The following PI4KA variants were observed in gnomAD, a reference collection of about 807,000 sequenced individuals.
The protein encoded by PI4KA is PI4-kinase alpha.
In PI4KA, 122 loss-of-function variants were observed where a neutral mutation model predicts 271.4. The ratio of observed to expected loss-of-function variants is 0.45; its 90% CI spans 0.39 to 0.52. The LOEUF is 0.52. Among genes scored for constraint, PI4KA ranks in the 20% least tolerant of loss-of-function variants. PI4KA has a pLI of 0.00. For missense variants in PI4KA, 1,969 were observed against 2,769.1 expected (o/e 0.71, Z 6.48); for synonymous variants, 1,041 against 1,078.8 (o/e 0.96, Z 0.69).
chr22:20,732,681 C>T (rs1374710019), intron 36 of PI4KA, among the ~76,000 whole-genome samples: 3 of 152,220 alleles, frequency 2.0e-5, no homozygotes, highest in Non-Finnish European at 4.4e-5. Context: ...CCTGGGCCGT[C>T]AGCTGCTCAG....
At chr22:20,767,984 T>C (rs1372254424) in intron 19 of PI4KA, among the ~76,000 whole-genome samples, 1 of 147,612 alleles carries the variant, frequency 6.8e-6, no homozygotes, top group African/African-American at 2.5e-5. Flanking sequence ...TTATTTCCAA[T>C]TCAAAAATTT....
intron 32 of PI4KA, among the ~76,000 whole-genome samples, chr22:20,737,779 A>G (rs1303027249): frequency 4.6e-5 from 7 of 152,054 alleles, no homozygotes; most frequent in Non-Finnish European, 8.8e-5. Context: ...TTACAGGCAC[A>G]TGCCACCACA....
At chr22:20,768,882 G>C (rs1045636419) in intron 19 of PI4KA, among the ~76,000 whole-genome samples, 2 of 152,188 alleles carry the variant, frequency 1.3e-5, no homozygotes, top group African/African-American at 4.8e-5. Context: ...GTTGACAAGG[G>C]GCTTCCAGTT....
rs765451319 is a variant in PI4KA, at chr22:20,742,794, CATAT to C, written c.3457-34_3457-31del. On this transcript the variant is annotated intron_variant, in intron 30 of 54. Transcript: ENST00000255882. ...AAAAACATTCTCATCAGCAACTAAG[CATAT>C]AATCCAGGCAATGTGGGTAAGGTTC... 5 of 1,611,146 alleles carry C rather than the reference CATAT, an allele frequency of 3.1e-6. No homozygotes were observed. The Admixed American group carries it at 8.3e-5, about 27-fold the overall frequency.
At chr22:20,801,898 TA>T in intron 14 of PI4KA, 74 bp downstream of exon 14, 1 of 1,515,120 alleles carries the variant, frequency 6.6e-7, no homozygotes, top group Non-Finnish European at 9.1e-7. Context: ...AAAAGAAGTA[TA>T]AATGTCTCTT....
At chr22:20,786,412 CAG>C (rs991415396) in intron 19 of PI4KA, among the ~76,000 whole-genome samples, 7 of 152,216 alleles carry the variant, frequency 4.6e-5, no homozygotes, top group Admixed American at 3.3e-4. Flanking sequence ...ACACCAGAGA[CAG>C]GGGAGACATG....
Position 20,742,391 on chromosome 22 carries a change from C to T in PI4KA, c.3614-36G>A, listed in dbSNP as rs149161656. 7.8e-5 allele frequency: 125 copies of T among 1,606,328 alleles called. 3 individuals carry two copies. The East Asian group carries it at 2.8e-3, about 36-fold the overall frequency. On this transcript the variant is annotated intron_variant, in intron 31 of 54. Transcript: ENST00000255882. The stretch of plus-strand genomic sequence containing the variant: ...ACACACGTCAGTCAGAGGCCTCCAA[C>T]AACAGCTGAACCCCAAAACAGCTTC...
At chr22:20,765,453 AT>A in intron 20 of PI4KA, 131 bp downstream of exon 20, 1 of 761,422 alleles carries the variant, frequency 1.3e-6, no homozygotes, top group Non-Finnish European at 2.2e-6. Context: ...ACACTTGCTA[AT>A]ACTTGCAGAA....
intron 19 of PI4KA, chr22:20,786,935 A>G: frequency 6.2e-7 from 1 of 1,614,136 alleles, no homozygotes; most frequent in Non-Finnish European, 8.5e-7. Context: ...CACTGTGACC[A>G]CGGTGGGGTT....
intron 30 of PI4KA, chr22:20,742,975 G>A (rs1328244659): frequency 7.1e-6 from 4 of 559,606 alleles, no homozygotes; most frequent in Non-Finnish European, 1.3e-5. Flanking sequence ...CTCTAGAAAT[G>A]CATGTTGGCA....
At chr22:20,778,683 GCATGGCTGAGTCCCACTAATGCA>G (rs1933502243) in intron 19 of PI4KA, among the ~76,000 whole-genome samples, 1 of 152,102 alleles carries the variant, frequency 6.6e-6, no homozygotes, top group Non-Finnish European at 1.5e-5. Context: ...AGTCACACAG[GCATGGCTGAGTCCCACTAATGCA>G]CATCCCTTCT....
chr22:20,839,875 G>C (rs895648344), intron 1 of PI4KA, among the ~76,000 whole-genome samples: 7 of 152,134 alleles, frequency 4.6e-5, no homozygotes, highest in Admixed American at 1.3e-4. Flanking sequence ...ACTGAGCACA[G>C]CATATAGTAA....
intron 45 of PI4KA, among the ~76,000 whole-genome samples, chr22:20,715,452 C>T (rs554483880): frequency 1.3e-5 from 2 of 151,996 alleles, no homozygotes; most frequent in South Asian, 4.2e-4. Flanking sequence ...GTTCTCCCAG[C>T]CTTTAGGACT....
chr22:20,819,635 G>A lies in PI4KA; in HGVS notation c.789+6C>T. ...CTCTGCTCTTTCCCCAGTAGCCCAG[G>A]CCCACCTGAGAGATGCTGGACACAC... On this transcript the variant is annotated splice_donor_region_variant and intron_variant, in intron 6 of 54. Transcript: ENST00000255882. 3 of 1,612,592 alleles carry A rather than the reference G, an allele frequency of 1.9e-6. No homozygotes were observed. The highest frequency in any genetic ancestry group is 2.5e-6 in the Non-Finnish European group (3 of 1,179,000).
intron 9 of PI4KA, among the ~76,000 whole-genome samples, chr22:20,807,703 T>C (rs1229568833): frequency 6.6e-6 from 1 of 152,108 alleles, no homozygotes; most frequent in Non-Finnish European, 1.5e-5. Context: ...TGCACCCTAG[T>C]AGGAAGAACC....
chr22:20,798,365 A>G, intron 17 of PI4KA: 1 of 529,878 alleles, frequency 1.9e-6, no homozygotes. Flanking sequence ...AATCAGAAGG[A>G]GAGAAAGGAG....
chr22:20,811,745 G>A (rs1921048479), intron 8 of PI4KA, among the ~76,000 whole-genome samples: 1 of 152,096 alleles, frequency 6.6e-6, no homozygotes, highest in Admixed American at 6.5e-5. Flanking sequence ...CAGCCGTGGT[G>A]GCTCACGCCT....
chr22:20,815,018 A>T (rs577758668), intron 7 of PI4KA, among the ~76,000 whole-genome samples: 1 of 152,048 alleles, frequency 6.6e-6, no homozygotes. Context: ...TTTAAATTAA[A>T]ATAGAAATAT....
At chr22:20,778,918 G>A (rs1933521504) in intron 19 of PI4KA, among the ~76,000 whole-genome samples, 1 of 152,214 alleles carries the variant, frequency 6.6e-6, no homozygotes, top group South Asian at 2.1e-4. Context: ...ACTGGTCCAT[G>A]AGCCCCTGGT....
Sources: gnomAD v4.1 joint callset for allele counts (sites outside exome capture counted in the v4.1 genomes callset) on GRCh38, gnomAD v4.1.1 for gene constraint, MANE v1.5 for transcripts, NCBI Gene and HGNC (gene_info 2026-07-23, HGNC 2026-07-21) for gene names.